Variants in ZNF804B observed in about 807,000 individuals in gnomAD.
ZNF804B encodes the protein zinc finger 804B.
ZNF804B carries 80 observed loss-of-function variants against 101.4 expected under a neutral mutation model. That is an observed-to-expected ratio of 0.79 (90% CI 0.66 to 0.95). The LOEUF is 0.95. Ranked by LOEUF, ZNF804B falls within the 40% of genes least tolerant of loss-of-function variation. The pLI, the probability that ZNF804B is intolerant of heterozygous loss-of-function variation, is 0.00. For synonymous variants in ZNF804B, 622 were observed against 558.8 expected (o/e 1.11, Z -1.59); for missense variants, 1,673 against 1,561.9 (o/e 1.07, Z -1.20).
chr7:88,943,529 C>T (rs1014494577), intron 1 of ZNF804B, among the ~76,000 whole-genome samples: 2 of 151,818 alleles, frequency 1.3e-5, no homozygotes, highest in Admixed American at 1.3e-4. Flanking sequence ...CTTCCTCTGA[C>T]CTGGAGTCTT....
At chr7:89,135,039 TAGGCACTAGTTTTC>T (rs1445647480) in intron 1 of ZNF804B, among the ~76,000 whole-genome samples, 2 of 152,124 alleles carry the variant, frequency 1.3e-5, no homozygotes, top group African/African-American at 4.8e-5. Context: ...TCGTTCTACA[TAGGCACTAGTTTTC>T]AGCTACAAAG....
At chr7:88,822,595 T>C (rs965008876) in intron 1 of ZNF804B, among the ~76,000 whole-genome samples, 3 of 152,118 alleles carry the variant, frequency 2.0e-5, no homozygotes, top group African/African-American at 7.2e-5. Flanking sequence ...TTGATTCTCT[T>C]GATCAATAGT....
chr7:89,156,064 CTTT>C (rs1562899756), intron 1 of ZNF804B, among the ~76,000 whole-genome samples: 19 of 72,994 alleles, frequency 2.6e-4, no homozygotes, highest in Non-Finnish European at 4.6e-4. Context: ...TTCTTTCTTT[CTTT>C]CTTTCTCTCT....
intron 1 of ZNF804B, among the ~76,000 whole-genome samples, chr7:89,078,329 A>G (rs1325470681): frequency 2.0e-5 from 3 of 152,096 alleles, no homozygotes; most frequent in South Asian, 2.1e-4. Flanking sequence ...TCCCTTTAGC[A>G]TAGCATGTGC....
intron 1 of ZNF804B, among the ~76,000 whole-genome samples, chr7:89,169,741 T>C (rs948095917): frequency 3.3e-5 from 5 of 152,184 alleles, no homozygotes; most frequent in African/African-American, 1.2e-4. Context: ...TAAAAAAATA[T>C]TCAATTAACT....
intron 1 of ZNF804B, among the ~76,000 whole-genome samples, chr7:88,852,190 C>A (rs1791458339): frequency 6.6e-6 from 1 of 152,064 alleles, no homozygotes; most frequent in African/African-American, 2.4e-5. Flanking sequence ...CCTGACACCC[C>A]AAGAGCATCC....
chr7:88,959,587 GA>G (rs1793361377), intron 1 of ZNF804B, among the ~76,000 whole-genome samples: 1 of 151,266 alleles, frequency 6.6e-6, no homozygotes, highest in African/African-American at 2.4e-5. Context: ...CTCTTCCTCT[GA>G]TACCTGGTTT....
chr7:88,828,310 G>A (rs1198957910), intron 1 of ZNF804B, among the ~76,000 whole-genome samples: 3 of 152,044 alleles, frequency 2.0e-5, no homozygotes, highest in Non-Finnish European at 4.4e-5. Context: ...CACCAGAAAT[G>A]TCCCTTGGGC....
chr7:89,248,739 C>T (rs143230023), intron 2 of ZNF804B, among the ~76,000 whole-genome samples: 38 of 152,152 alleles, frequency 2.5e-4, no homozygotes, highest in African/African-American at 8.2e-4. Flanking sequence ...ATTGAAACTA[C>T]AAAGCAACCA....
chr7:89,017,571 T>C (rs1788589098), intron 1 of ZNF804B, among the ~76,000 whole-genome samples: 1 of 152,176 alleles, frequency 6.6e-6, no homozygotes, highest in South Asian at 2.1e-4. Flanking sequence ...CATTGGTATT[T>C]TAATAGAGAT....
chr7:89,209,526 C>T (rs1468718595), intron 1 of ZNF804B, among the ~76,000 whole-genome samples: 1 of 152,166 alleles, frequency 6.6e-6, no homozygotes. Context: ...TGTGCAATTG[C>T]CACTCTCCAT....
chr7:89,035,945 T>C (rs1245152694), intron 1 of ZNF804B, among the ~76,000 whole-genome samples: 2 of 145,194 alleles, frequency 1.4e-5, no homozygotes, highest in Non-Finnish European at 3.0e-5. Flanking sequence ...TTATATTATA[T>C]ATTTATATTA....
intron 1 of ZNF804B, among the ~76,000 whole-genome samples, chr7:88,924,914 G>T (rs922249869): frequency 2.6e-5 from 4 of 152,034 alleles, no homozygotes; most frequent in Non-Finnish European, 5.9e-5. Flanking sequence ...TAAATAATTT[G>T]TTTTTTGTTT....
chr7:89,156,060 C>CTTTCT (rs1554371364), intron 1 of ZNF804B, among the ~76,000 whole-genome samples: 2 of 72,848 alleles, frequency 2.7e-5, no homozygotes, highest in African/African-American at 9.4e-5. Context: ...TTCTTTCTTT[C>CTTTCT]TTTCTTTCTT....
At chr7:88,784,140 T>C (rs574151512) in intron 1 of ZNF804B, among the ~76,000 whole-genome samples, 2 of 152,274 alleles carry the variant, frequency 1.3e-5, no homozygotes, top group South Asian at 4.1e-4. Context: ...AAGGGCCAAA[T>C]TTCAGAGCAA....
At chr7:89,256,328 A>G (rs559914022) in intron 2 of ZNF804B, among the ~76,000 whole-genome samples, 1 of 152,280 alleles carries the variant, frequency 6.6e-6, no homozygotes, top group South Asian at 2.1e-4. Flanking sequence ...CTGAGGCGAA[A>G]GGATTGCTTA....
intron 1 of ZNF804B, among the ~76,000 whole-genome samples, chr7:89,180,942 A>T (rs1044106466): frequency 1.3e-5 from 2 of 150,566 alleles, no homozygotes; most frequent in African/African-American, 4.9e-5. Context: ...GACAAGTGAG[A>T]TGGGGAGTCA....
chr7:89,224,764 G>A (rs1789060544), intron 2 of ZNF804B, among the ~76,000 whole-genome samples: 1 of 150,746 alleles, frequency 6.6e-6, no homozygotes, highest in South Asian at 2.1e-4. Context: ...GAGTGTGTGT[G>A]TGTGTGTATC....
At chr7:89,091,526 A>G (rs1789886682) in intron 1 of ZNF804B, among the ~76,000 whole-genome samples, 1 of 152,192 alleles carries the variant, frequency 6.6e-6, no homozygotes, top group Admixed American at 6.5e-5. Context: ...GGAAAGCTAA[A>G]AGTGTGTGCA....
Sources: gnomAD v4.1 joint callset for allele counts (sites outside exome capture counted in the v4.1 genomes callset) on GRCh38, gnomAD v4.1.1 for gene constraint, MANE v1.5 for transcripts, NCBI Gene and HGNC (gene_info 2026-07-23, HGNC 2026-07-21) for gene names.